The following CNBD1 variants were observed in gnomAD, a reference collection of about 807,000 sequenced individuals.
The protein encoded by CNBD1 is cyclic nucleotide binding domain containing 1.
CNBD1 carries 71 observed loss-of-function variants against 54.4 expected under a neutral mutation model. The ratio of observed to expected loss-of-function variants is 1.30; its 90% CI spans 1.08 to 1.59. The LOEUF (loss-of-function observed/expected upper bound fraction) is 1.59. Ranked by LOEUF, CNBD1 falls within the 40% of genes most tolerant of loss-of-function variation. CNBD1 has a pLI of 0.00. For missense variants in CNBD1, 659 were observed against 518.0 expected (o/e 1.27, Z -2.64); for synonymous variants, 182 against 170.7 (o/e 1.07, Z -0.51).
At chr8:87,029,256 C>A (rs552478293) in intron 4 of CNBD1, among the ~76,000 whole-genome samples, 72 of 152,136 alleles carry the variant, frequency 4.7e-4, no homozygotes, top group African/African-American at 1.7e-3. Flanking sequence ...GACCAATATA[C>A]GTGAAAAGTG....
At chr8:86,946,011 A>G (rs1033416511) in intron 4 of CNBD1, among the ~76,000 whole-genome samples, 5 of 152,108 alleles carry the variant, frequency 3.3e-5, no homozygotes, top group Non-Finnish European at 4.4e-5. Context: ...GCAAATTTCT[A>G]CCTCCAAAAA....
intron 6 of CNBD1, among the ~76,000 whole-genome samples, chr8:87,257,717 A>G (rs551117321): frequency 6.6e-6 from 1 of 152,296 alleles, no homozygotes; most frequent in Admixed American, 6.5e-5. Flanking sequence ...TTAGGTATAT[A>G]GCACTGATAA....
intron 10 of CNBD1, among the ~76,000 whole-genome samples, chr8:87,357,639 G>T (rs1022463309): frequency 6.6e-6 from 1 of 152,130 alleles, no homozygotes; most frequent in Admixed American, 6.5e-5. Flanking sequence ...GGTCTTACAG[G>T]CTCATAGGTG....
intron 8 of CNBD1, among the ~76,000 whole-genome samples, chr8:87,301,690 A>G (rs973921819): frequency 2.0e-5 from 3 of 152,170 alleles, no homozygotes; most frequent in Non-Finnish European, 4.4e-5. Context: ...CAAAAAATCA[A>G]TGAATCCAGG....
At chr8:87,028,606 T>C (rs1487949062) in intron 4 of CNBD1, among the ~76,000 whole-genome samples, 1 of 152,192 alleles carries the variant, frequency 6.6e-6, no homozygotes, top group Non-Finnish European at 1.5e-5. Flanking sequence ...GGGGTTTATA[T>C]AGCAGGTAAG....
chr8:87,261,130 A>G (rs569728142), intron 6 of CNBD1, among the ~76,000 whole-genome samples: 1 of 152,226 alleles, frequency 6.6e-6, no homozygotes, highest in African/African-American at 2.4e-5. Context: ...TCCCAAATAC[A>G]ATTTGTTCCC....
chr8:87,099,665 T>G (rs1811390411), intron 4 of CNBD1, among the ~76,000 whole-genome samples: 1 of 152,200 alleles, frequency 6.6e-6, no homozygotes, highest in Non-Finnish European at 1.5e-5. Context: ...TTTGTTTATC[T>G]GAACAATTGG....
chr8:87,269,038 G>A (rs1361485261), intron 6 of CNBD1, among the ~76,000 whole-genome samples: 1 of 151,998 alleles, frequency 6.6e-6, no homozygotes, highest in Non-Finnish European at 1.5e-5. Flanking sequence ...TTGTCCTCTA[G>A]GGTTTGTATT....
chr8:87,260,406 G>A (rs951527931), intron 6 of CNBD1, among the ~76,000 whole-genome samples: 3 of 152,030 alleles, frequency 2.0e-5, no homozygotes, highest in Non-Finnish European at 2.9e-5. Context: ...AGCTTATGGG[G>A]GCCTAAGCCC....
chr8:87,125,252 T>C (rs1378466564), intron 4 of CNBD1, among the ~76,000 whole-genome samples: 1 of 151,732 alleles, frequency 6.6e-6, no homozygotes, highest in Admixed American at 6.6e-5. Flanking sequence ...TCTATCAAAA[T>C]GCCAATATCA....
At chr8:87,304,030 C>A (rs1431411818) in intron 8 of CNBD1, among the ~76,000 whole-genome samples, 1 of 152,098 alleles carries the variant, frequency 6.6e-6, no homozygotes, top group East Asian at 1.9e-4. Flanking sequence ...CACTTTTACA[C>A]ATTGGTGGGA....
rs1808853486 is a variant in CNBD1 at position 86,896,729 on chromosome 8, G to A, written c.159-8352G>A. On this transcript the variant is annotated intron_variant, in intron 2 of 10. Coordinates refer to ENST00000518476, the MANE Select transcript of CNBD1 (RefSeq NM_173538.3). ...TAAAAACTCAAGACCACTCTTTGCA[G>A]CTTCCTGTCAGCTAGATTTGGCCAT... is the stretch of plus-strand genomic sequence containing the variant. Among the ~76,000 whole-genome samples the A allele has an allele frequency of 2.0e-5, 3 of 152,084 alleles. No individual in the cohort carries two copies. In the South Asian group the frequency reaches 6.2e-4, roughly 32 times the overall value.
intron 10 of CNBD1, among the ~76,000 whole-genome samples, chr8:87,359,367 T>C (rs1810485478): frequency 6.6e-6 from 1 of 152,158 alleles, no homozygotes; most frequent in East Asian, 1.9e-4. Flanking sequence ...GTGTGCCTAA[T>C]TGAATATTCT....
chr8:87,288,407 C>T (rs558877386), intron 8 of CNBD1, among the ~76,000 whole-genome samples: 1 of 151,838 alleles, frequency 6.6e-6, no homozygotes, highest in South Asian at 2.1e-4. Flanking sequence ...CAATCTTTGC[C>T]CATCTATCAT....
intron 4 of CNBD1, among the ~76,000 whole-genome samples, chr8:87,087,891 G>A (rs1350852381): frequency 6.6e-6 from 1 of 152,158 alleles, no homozygotes; most frequent in Non-Finnish European, 1.5e-5. Flanking sequence ...ACTTGCAAAG[G>A]TCATGCGGTC....
intron 4 of CNBD1, among the ~76,000 whole-genome samples, chr8:86,969,236 T>A (rs1808164411): frequency 6.6e-6 from 1 of 152,200 alleles, no homozygotes; most frequent in Non-Finnish European, 1.5e-5. Flanking sequence ...CTTATTGTGT[T>A]TTTTAAAATC....
At chr8:87,391,625 G>A (rs1811312164) in intron 2 of CNBD1, among the ~76,000 whole-genome samples, 1 of 151,976 alleles carries the variant, frequency 6.6e-6, no homozygotes, top group African/African-American at 2.4e-5. Flanking sequence ...AAATCATGCT[G>A]GGATAATGGG....
chr8:87,294,871 T>C (rs1466977627), intron 8 of CNBD1, among the ~76,000 whole-genome samples: 2 of 152,058 alleles, frequency 1.3e-5, no homozygotes, highest in Admixed American at 1.3e-4. Flanking sequence ...AAATTCAGAA[T>C]ATATGTATTT....
At chr8:87,368,030 T>C (rs1277668474) in intron 10 of CNBD1, among the ~76,000 whole-genome samples, 1 of 151,842 alleles carries the variant, frequency 6.6e-6, no homozygotes, top group East Asian at 2.0e-4. Flanking sequence ...GGCATGATGA[T>C]GTGCACCTGT....
Sources: allele counts gnomAD v4.1 joint callset (sites outside exome capture counted in the v4.1 genomes callset), GRCh38; gene constraint gnomAD v4.1.1; transcripts MANE v1.5; gene names NCBI Gene and HGNC (gene_info 2026-07-23, HGNC 2026-07-21).